ADAM12: variants seen among roughly 807,000 people sequenced by gnomAD.
ADAM12 encodes the protein disintegrin and metalloproteinase domain-containing protein 12.
In ADAM12, 70 loss-of-function variants were observed where a neutral mutation model predicts 106.4. That is an observed-to-expected ratio of 0.66 (90% CI 0.54 to 0.80). The LOEUF (loss-of-function observed/expected upper bound fraction) is 0.80. Ranked by LOEUF, ADAM12 falls within the 30% of genes least tolerant of loss-of-function variation. ADAM12 has a pLI of 0.00. For missense variants in ADAM12, 1,010 were observed against 1,171.9 expected (o/e 0.86, Z 2.02); for synonymous variants, 420 against 433.5 (o/e 0.97, Z 0.39).
At chr10:126,093,292 G>C (rs1390562383) in intron 11 of ADAM12, among the ~76,000 whole-genome samples, 2 of 152,158 alleles carry the variant, frequency 1.3e-5, no homozygotes, top group African/African-American at 4.8e-5. Context: ...TCCCTCCAAG[G>C]TGCATCTGTT....
intron 3 of ADAM12, among the ~76,000 whole-genome samples, chr10:126,255,802 G>C (rs564852417): frequency 1.3e-5 from 2 of 152,276 alleles, no homozygotes; most frequent in East Asian, 3.9e-4. Flanking sequence ...GCTAGTCTCA[G>C]AGATGTCTGC....
intron 3 of ADAM12, among the ~76,000 whole-genome samples, chr10:126,186,399 C>T (rs560213314): frequency 4.6e-5 from 7 of 152,268 alleles, no homozygotes; most frequent in African/African-American, 1.7e-4. Flanking sequence ...CCTGGCTGGG[C>T]AGTAATCTGA....
intron 1 of ADAM12, among the ~76,000 whole-genome samples, chr10:126,368,135 ATATGTGTG>A (rs1318778802): frequency 6.6e-6 from 1 of 151,912 alleles, no homozygotes; most frequent in African/African-American, 2.4e-5. Context: ...GTGTGTATAT[ATATGTGTG>A]TATGTGTATA....
At chr10:126,190,430 T>C (rs1957478440) in intron 3 of ADAM12, among the ~76,000 whole-genome samples, 1 of 151,976 alleles carries the variant, frequency 6.6e-6, no homozygotes, top group African/African-American at 2.4e-5. Context: ...GGTCTCAAAC[T>C]CCTGACCTCA....
chr10:126,097,393 G>A (rs192859394), intron 10 of ADAM12, among the ~76,000 whole-genome samples: 1 of 152,304 alleles, frequency 6.6e-6, no homozygotes, highest in African/African-American at 2.4e-5. Flanking sequence ...TTGACCCTTA[G>A]TGCAGGCTTA....
chr10:126,241,294 TTAGA>T (rs1193655475), intron 3 of ADAM12, among the ~76,000 whole-genome samples: 5 of 152,282 alleles, frequency 3.3e-5, no homozygotes, highest in African/African-American at 9.6e-5. Context: ...TGTTCTGGAA[TTAGA>T]TAGTGGTGAC....
intron 14 of ADAM12, among the ~76,000 whole-genome samples, chr10:126,062,440 C>T (rs1954777522): frequency 6.6e-6 from 1 of 152,118 alleles, no homozygotes; most frequent in African/African-American, 2.4e-5. Context: ...CCTCCCCCTC[C>T]ATCATGGGGA....
intron 3 of ADAM12, among the ~76,000 whole-genome samples, chr10:126,228,064 G>A (rs1363783909): frequency 6.6e-6 from 1 of 152,166 alleles, no homozygotes; most frequent in Non-Finnish European, 1.5e-5. Flanking sequence ...AGGGGTCAAG[G>A]ACGGCCCCAG....
chr10:126,293,356 A>C (rs1960237246), intron 2 of ADAM12, among the ~76,000 whole-genome samples: 1 of 151,990 alleles, frequency 6.6e-6, no homozygotes, highest in South Asian at 2.1e-4. Context: ...ATGGAGCCCA[A>C]GGGGCAAAGC....
At position 126,066,798 on chromosome 10, in the gene ADAM12, C is replaced by T. The variant is rs764376019; in HGVS notation, c.1332G>A (p.Met444Ile). The change falls in exon 13 of 23, where the codon ATG (methionine) becomes ATA (isoleucine). Residue 444 changes from methionine to isoleucine, a missense_variant. Around this residue, in one of 3 missense-constraint regions of ADAM12, gnomAD observed 615 missense variants for 708.5 expected, o/e 0.87. Transcript: ENST00000448723. The surrounding 1 kb of genome is among the most constrained non-coding windows in gnomAD (Gnocchi z 5.1). ...AGGTGGTGGCATTGCAGCAGCGATT[C>T]ATACATTCCTGGAAAGGGGAATGGC... The part of the protein sequence containing the change: ...ECDCGEPEEC[M>I]NRCCNATTCT... 69 of 1,613,944 alleles carry T rather than the reference C, an allele frequency of 4.3e-5. No homozygotes were observed. The South Asian group carries it at 7.5e-4, about 17-fold the overall frequency.
At chr10:126,152,525 G>A (rs1473341673) in intron 4 of ADAM12, among the ~76,000 whole-genome samples, 1 of 151,150 alleles carries the variant, frequency 6.6e-6, no homozygotes, top group East Asian at 1.9e-4. Flanking sequence ...TTTGCCTTAA[G>A]GTCTAGCTTC....
At chr10:126,331,543 A>G (rs1854511889) in intron 1 of ADAM12, among the ~76,000 whole-genome samples, 1 of 152,208 alleles carries the variant, frequency 6.6e-6, no homozygotes, top group East Asian at 1.9e-4. Flanking sequence ...TCAGGTTACC[A>G]AAGGATTACT....
intron 3 of ADAM12, among the ~76,000 whole-genome samples, chr10:126,172,380 C>T (rs539026173): frequency 1.3e-5 from 2 of 152,174 alleles, no homozygotes; most frequent in South Asian, 4.2e-4. Flanking sequence ...TTGGGTGTAA[C>T]AATGGCACGG....
intron 14 of ADAM12, among the ~76,000 whole-genome samples, chr10:126,063,217 A>C (rs965001812): frequency 5.3e-5 from 8 of 152,150 alleles, no homozygotes; most frequent in Admixed American, 3.3e-4. Context: ...GAGCATCAGA[A>C]CAACTCCTCA....
At chr10:126,251,860 A>ATG (rs1565168651) in intron 3 of ADAM12, among the ~76,000 whole-genome samples, 188 of 1,992 alleles carry the variant, frequency 0.094, no homozygotes, top group African/African-American at 0.14. Context: ...GATGGATAGG[A>ATG]CAGATGGATG....
rs1413795412 is a variant in ADAM12 at position 126,039,370 on chromosome 10, A to G, written c.2164T>C (p.Phe722Leu). The G allele has an allele frequency of 1.9e-6, 3 of 1,614,084 alleles. No homozygotes were observed. Among genetic ancestry groups the G allele is most frequent in the Non-Finnish European group, 2.5e-6 (3 of 1,179,994 alleles). ...GTCTTCCTTTTGAGATAAACCACAA[A>G]TCCGGCAGCAAGAAGACACAGGATG... ...VTILCLLAAG[F>L]VVYLKRKTLI... is the part of the protein sequence containing the mutation. Residue 722 changes from phenylalanine to leucine, a missense_variant, in exon 19 of 23, where the codon TTT (phenylalanine) becomes CTT (leucine). By Grantham distance (22) the Phe-to-Leu change is conservative (BLOSUM62 0). Around this residue, in one of 3 missense-constraint regions of ADAM12, gnomAD observed 615 missense variants for 708.5 expected, o/e 0.87. Transcript: ENST00000448723.
chr10:126,086,680 A>AAAAAAAATATATATATATAT (rs1554966976), intron 11 of ADAM12, among the ~76,000 whole-genome samples: 3 of 24,270 alleles, frequency 1.2e-4, no homozygotes, highest in African/African-American at 3.3e-4. Context: ...AAAAAAAAAA[A>AAAAAAAATATATATATATAT]ATATATATAT....
intron 3 of ADAM12, among the ~76,000 whole-genome samples, chr10:126,168,823 C>G (rs556701223): frequency 6.6e-6 from 1 of 152,096 alleles, no homozygotes; most frequent in Admixed American, 6.6e-5. Context: ...GAGGCTGAGG[C>G]GGGCGGATCA....
intron 2 of ADAM12, among the ~76,000 whole-genome samples, chr10:126,299,729 T>C (rs3858321): frequency 0.98 from 149,154 of 152,208 alleles, 73,160 homozygotes; most frequent in East Asian, 1. Context: ...CTGCAAACTC[T>C]GCCTCCTGGG....
Sources: gnomAD v4.1 joint callset for allele counts (sites outside exome capture counted in the v4.1 genomes callset) on GRCh38, gnomAD v4.1.1 for gene constraint, gnomAD v4.1.1 regional missense constraint, Gnocchi (gnomAD v3.1) non-coding constraint, MANE v1.5 for transcripts, NCBI Gene and HGNC (gene_info 2026-07-23, HGNC 2026-07-21) for gene names.